RORA: variants seen among roughly 807,000 people sequenced by gnomAD.
The protein encoded by RORA is RAR related orphan receptor A.
A neutral mutation model predicts 69.5 loss-of-function variants in RORA; 7 were observed. The ratio of observed to expected loss-of-function variants is 0.10; its 90% CI spans 0.06 to 0.19. The LOEUF (loss-of-function observed/expected upper bound fraction) is 0.19. RORA is among the 10% of genes least tolerant of loss of function. RORA has a pLI of 1.00. For synonymous variants in RORA, 261 were observed against 240.8 expected (o/e 1.08, Z -0.78); for missense variants, 457 against 663.0 (o/e 0.69, Z 3.41).
At chr15:61,014,621 C>G (rs2140400934) in intron 1 of RORA, among the ~76,000 whole-genome samples, 1 of 152,260 alleles carries the variant, frequency 6.6e-6, no homozygotes, top group African/African-American at 2.4e-5. Flanking sequence ...TAACTAGGGT[C>G]ATAAGGCTAG....
chr15:60,511,919 A>C lies in RORA; in HGVS notation c.425-298T>G. On this transcript the variant is annotated intron_variant, in intron 4 of 10. Transcript: ENST00000335670. The surrounding 1 kb of genome is among the most constrained non-coding windows in gnomAD (Gnocchi z 6.4). ...CCCTGCTGTCACATCCCCCGTTTCC[A>C]CTGCGCCCCACTGATAACTTAATGG... The C allele has an allele frequency of 3.2e-6, 1 of 315,844 alleles. No homozygotes were observed. Among genetic ancestry groups the C allele is most frequent in the South Asian group, 4.1e-5 (1 of 24,588 alleles). The allele number at this position is 315,844 out of a possible 1,614,324, so 19.6% of individuals were successfully genotyped here.
chr15:60,627,313 A>C, intron 2 of RORA: 1 of 1,614,150 alleles, frequency 6.2e-7, no homozygotes, highest in Non-Finnish European at 8.5e-7. Flanking sequence ...ATGACCCATG[A>C]TTGACCACGG....
intron 1 of RORA, among the ~76,000 whole-genome samples, chr15:61,171,568 T>A (rs1404262100): frequency 6.6e-6 from 1 of 152,182 alleles, no homozygotes; most frequent in Non-Finnish European, 1.5e-5. Context: ...TAACACTCAC[T>A]GGTCCCCACC....
chr15:60,532,065 C>T (rs1366526903), intron 2 of RORA, among the ~76,000 whole-genome samples: 2 of 152,110 alleles, frequency 1.3e-5, no homozygotes, highest in African/African-American at 2.4e-5. Context: ...TAAAATGGGT[C>T]ATTTGAGAAG....
intron 1 of RORA, among the ~76,000 whole-genome samples, chr15:60,773,341 ATGGATGTACATATT>A (rs991485415): frequency 6.6e-6 from 1 of 152,050 alleles, no homozygotes; most frequent in African/African-American, 2.4e-5. Flanking sequence ...CTTGCTCTAC[ATGGATGTACATATT>A]TGTTTTCTGA....
intron 1 of RORA, among the ~76,000 whole-genome samples, chr15:60,959,242 G>A (rs962068654): frequency 2.0e-5 from 3 of 152,178 alleles, no homozygotes; most frequent in African/African-American, 4.8e-5. Flanking sequence ...GTGTAACAGA[G>A]TGACAAGTAG....
chr15:60,634,412 T>C (rs867147836), intron 2 of RORA, among the ~76,000 whole-genome samples: 2,504 of 148,484 alleles, frequency 0.017, 93 homozygotes, highest in African/African-American at 0.062. Context: ...TTTTTTTTTT[T>C]TTCTTTTTTT....
At chr15:61,124,409 C>T (rs763400628) in intron 1 of RORA, among the ~76,000 whole-genome samples, 7 of 152,204 alleles carry the variant, frequency 4.6e-5, no homozygotes, top group African/African-American at 9.6e-5. Context: ...CGTTTGATGC[C>T]GATTCAGCAC....
intron 1 of RORA, among the ~76,000 whole-genome samples, chr15:60,719,240 G>A (rs895667632): frequency 1.3e-5 from 2 of 151,918 alleles, no homozygotes; most frequent in Admixed American, 6.6e-5. Context: ...ATACAGTGAA[G>A]TATTTAGTGT....
At position 60,590,175 on chromosome 15, in the gene RORA, A is replaced by ATCTCTCTCTCTCTCTCTC. The variant is rs56192812; in HGVS notation, c.197-58342_197-58325dup. 8.5e-3 allele frequency among the ~76,000 whole-genome samples: 1,250 copies of ATCTCTCTCTCTCTCTCTC among 146,744 alleles called. 18 individuals are homozygous for ATCTCTCTCTCTCTCTCTC. The highest frequency in any genetic ancestry group is 0.03 in the African/African-American group (1,157 of 38,412). ...ATGCATTCTCTCTCCCTCTTCCTCT[A>ATCTCTCTCTCTCTCTCTC]TCTCTCTCTCTCTCTCTCTCTCTCT... On this transcript the variant is annotated intron_variant, in intron 2 of 10. Coordinates refer to ENST00000335670, the MANE Select transcript of RORA (RefSeq NM_134261.3).
At chr15:61,006,073 G>A (rs1364192457) in intron 1 of RORA, among the ~76,000 whole-genome samples, 1 of 151,972 alleles carries the variant, frequency 6.6e-6, no homozygotes, top group Admixed American at 6.6e-5. Flanking sequence ...GGTTCAAGCG[G>A]TTCTCCTGCC....
chr15:61,206,733 C>T (rs747021185), intron 1 of RORA, among the ~76,000 whole-genome samples: 13 of 152,270 alleles, frequency 8.5e-5, no homozygotes, highest in Middle Eastern at 6.8e-3. Context: ...TCCTCCAGCC[C>T]GGCAGCACAC....
chr15:60,528,237 A>T (rs2066422746), intron 3 of RORA: 1 of 151,668 alleles, frequency 6.6e-6, no homozygotes, highest in Non-Finnish European at 1.5e-5. Context: ...TTTTATTTTT[A>T]ATTTTTTTGT....
intron 1 of RORA, among the ~76,000 whole-genome samples, chr15:60,890,619 G>A (rs1272940208): frequency 6.6e-6 from 1 of 152,210 alleles, no homozygotes; most frequent in Admixed American, 6.5e-5. Context: ...TGTGGCCGAG[G>A]GCTGTTCTTT....
intron 3 of RORA, chr15:60,528,802 T>G (rs1017019270): frequency 2.6e-5 from 4 of 152,206 alleles, no homozygotes; most frequent in African/African-American, 9.7e-5. Flanking sequence ...ATGAAGTTAT[T>G]ACAATTACAG....
At chr15:60,866,458 T>C (rs571271331) in intron 1 of RORA, among the ~76,000 whole-genome samples, 1 of 152,318 alleles carries the variant, frequency 6.6e-6, no homozygotes, top group African/African-American at 2.4e-5. Context: ...GAAGGCAAAA[T>C]CATCATCTTT....
At chr15:60,622,264 C>A (rs946223872) in intron 2 of RORA, among the ~76,000 whole-genome samples, 1 of 152,044 alleles carries the variant, frequency 6.6e-6, no homozygotes, top group East Asian at 1.9e-4. Context: ...TATACTAACA[C>A]AAAATGTTAA....
At chr15:60,584,792 T>C (rs2068284972) in intron 2 of RORA, among the ~76,000 whole-genome samples, 1 of 152,022 alleles carries the variant, frequency 6.6e-6, no homozygotes, top group South Asian at 2.1e-4. Flanking sequence ...AAAAAGAGAA[T>C]ACTTCTCATG....
In RORA at chr15:61,213,166, C is replaced by G. The variant is rs1337520238; in HGVS notation, c.166+15887G>C. ...ACTGTCCCAGCCAATAATCCCGGCCCACACTCTGCACTTGACTCCTGCCAT... is the reference window on the plus strand; with the variant it reads ...ACTGTCCCAGCCAATAATCCCGGCCGACACTCTGCACTTGACTCCTGCCAT... On this transcript the variant is annotated intron_variant, in intron 1 of 10. Coordinates refer to ENST00000335670, the MANE Select transcript of RORA (RefSeq NM_134261.3). The surrounding 1 kb of genome is among the most constrained non-coding windows in gnomAD (Gnocchi z 4.1). Among the ~76,000 whole-genome samples, 1 of 152,088 alleles carries G rather than the reference C, an allele frequency of 6.6e-6. No individual in the cohort carries two copies. Among genetic ancestry groups the G allele is most frequent in the African/African-American group, 2.4e-5 (1 of 41,410 alleles).
Sources: gnomAD v4.1 joint callset for allele counts (sites outside exome capture counted in the v4.1 genomes callset) on GRCh38, gnomAD v4.1.1 for gene constraint, Gnocchi (gnomAD v3.1) non-coding constraint, MANE v1.5 for transcripts, NCBI Gene and HGNC (gene_info 2026-07-23, HGNC 2026-07-21) for gene names.